Variants in RMND1 observed in about 807,000 individuals in gnomAD.
RMND1 encodes the protein required for meiotic nuclear division protein 1 homolog.
RMND1 carries 41 observed loss-of-function variants against 54.0 expected under a neutral mutation model. The observed-to-expected ratio is 0.76, with a 90% CI of 0.59 to 0.98. RMND1 has a LOEUF of 0.98. RMND1 is among the 50% of genes least tolerant of loss of function. The probability of loss-of-function intolerance (pLI) is 0.00; values close to 1 mark genes in which losing one functional copy is unlikely to be tolerated. For missense variants in RMND1, 457 were observed against 532.0 expected (o/e 0.86, Z 1.39); for synonymous variants, 183 against 181.7 (o/e 1.01, Z -0.06).
Position 151,430,171 on chromosome 6 carries a change from T to C in RMND1, c.696A>G (p.Gly232=), listed in dbSNP as rs747230559. The change falls in exon 5 of 12, where the codon GGA becomes GGG. Residue 232 remains glycine, a synonymous_variant. Transcript: ENST00000444024. ...CTTTCACATTCCAAAACACAGCAGC[T>C]CCTTCCCTGATTTAAAAAAATAAAA... is the stretch of plus-strand genomic sequence containing the variant. ...DPGTIFFFRE[G]AAVFWNVKDK... 4.4e-6 allele frequency: 7 copies of C among 1,598,778 alleles called. No individual in the cohort carries two copies. The highest frequency in any genetic ancestry group is 6.0e-6 in the Non-Finnish European group (7 of 1,167,954).
intron 2 of RMND1, among the ~76,000 whole-genome samples, chr6:151,440,941 G>C (rs1238831657): frequency 8.3e-6 from 1 of 119,964 alleles, no homozygotes. Context: ...TATATGTAAA[G>C]CATATTTTGG....
intron 10 of RMND1, chr6:151,412,011 A>G (rs1475703925): frequency 1.3e-5 from 2 of 152,144 alleles, no homozygotes; most frequent in Non-Finnish European, 2.9e-5. Flanking sequence ...GCTCAGTCTA[A>G]TAACTTGCCT....
chr6:151,430,330 G>A (rs1780416939), intron 4 of RMND1, 153 bp from the exon 5 acceptor site: 1 of 529,678 alleles, frequency 1.9e-6, no homozygotes, highest in East Asian at 2.9e-5. Context: ...GTCCTTAGGT[G>A]AACTTCCTAC....
intron 9 of RMND1, chr6:151,418,513 G>A (rs1780069541): frequency 6.6e-6 from 1 of 152,098 alleles, no homozygotes. Flanking sequence ...TTGGGGTGCA[G>A]TGACACAATC....
rs149556269 is a variant in RMND1 at position 151,405,662 on chromosome 6, GC to G, written c.1317+57del. On this transcript the variant is annotated intron_variant, in intron 11 of 11. Coordinates refer to ENST00000444024, the MANE Select transcript of RMND1 (RefSeq NM_017909.4). The stretch of plus-strand genomic sequence containing the variant: ...TATCTCAAACTATCTTATTAGCATA[GC>G]CCCTGTATTTGTGAAAAGATGGTAA... The G allele has an allele frequency of 0.027, 22,618 of 837,288 alleles. 394 individuals carry two copies. The highest frequency in any genetic ancestry group is 0.033 in the Non-Finnish European group (16,196 of 493,126). The allele number at this position is 837,288 out of a possible 1,614,324, so 51.9% of individuals were successfully genotyped here.
Position 151,405,168 on chromosome 6 carries a change from C to T in RMND1, c.*67G>A, listed in dbSNP as rs1779566607. ...TACAGGCATGAGGCACCGCGCCGGGCCGAACATTTAATTTTTGATTGTAGA... is the reference window on the plus strand; with the variant it reads ...TACAGGCATGAGGCACCGCGCCGGGTCGAACATTTAATTTTTGATTGTAGA... On this transcript the variant is annotated 3_prime_UTR_variant, in exon 12 of 12. Transcript: ENST00000444024. 33 of 1,479,592 alleles carry T rather than the reference C, an allele frequency of 2.2e-5. No individual in the cohort carries two copies. In the South Asian group the frequency reaches 3.6e-4, roughly 16 times the overall value. 91.7% of individuals were successfully genotyped at this position (1,479,592 alleles called of 1,614,324 possible).
Position 151,405,771 on chromosome 6 carries a change from C to T in RMND1, c.1266G>A (p.Glu422=), listed in dbSNP as rs748106961. The change falls in exon 11 of 12, where the codon GAG becomes GAA. Residue 422 remains glutamate, a synonymous_variant. Transcript: ENST00000444024. ...TCCACTCCAAGCGGAGTGCCCTCTT[C>T]TCATTCAGGTGATTCCGCATTAGAT... ...LTDLMRNHLN[E]KRALRLEWMI... is the part of the protein sequence containing the mutation. The T allele has an allele frequency of 2.5e-6, 4 of 1,612,048 alleles. No homozygotes were observed. The South Asian group carries it at 4.4e-5, about 18-fold the overall frequency.
chr6:151,450,283 C>T (rs75593893), intron 1 of RMND1, among the ~76,000 whole-genome samples: 3 of 151,300 alleles, frequency 2.0e-5, no homozygotes, highest in Non-Finnish European at 3.0e-5. Flanking sequence ...ATGTGAGGAG[C>T]GCCTCTGCCC....
chr6:151,412,801 A>G (rs984187220), intron 10 of RMND1, among the ~76,000 whole-genome samples: 3 of 152,306 alleles, frequency 2.0e-5, no homozygotes, highest in Admixed American at 6.5e-5. Flanking sequence ...GGGGAGATGC[A>G]GGTGCTACAC....
intron 2 of RMND1, among the ~76,000 whole-genome samples, chr6:151,444,162 G>A (rs1780878850): frequency 6.6e-6 from 1 of 152,218 alleles, no homozygotes; most frequent in South Asian, 2.1e-4. Context: ...GAAACCTGAT[G>A]CACTGTGCTG....
intron 1 of RMND1, among the ~76,000 whole-genome samples, chr6:151,450,205 G>A (rs1171046719): frequency 6.6e-6 from 1 of 150,496 alleles, no homozygotes; most frequent in Non-Finnish European, 1.5e-5. Context: ...GGAAGTGAGG[G>A]GAGTCTCTGC....
At chr6:151,423,310 G>T (rs1424354108) in intron 7 of RMND1, among the ~76,000 whole-genome samples, 1 of 152,046 alleles carries the variant, frequency 6.6e-6, no homozygotes, top group African/African-American at 2.4e-5. Flanking sequence ...TTTTGGAGAG[G>T]TTAAGCTTTA....
At chr6:151,422,405 T>G in intron 8 of RMND1, 136 bp downstream of exon 8, 1 of 476,248 alleles carries the variant, frequency 2.1e-6, no homozygotes. Flanking sequence ...CACTGGTAGA[T>G]TCTGGTATCC....
intron 1 of RMND1, among the ~76,000 whole-genome samples, chr6:151,448,077 A>G (rs187698071): frequency 3.9e-4 from 59 of 152,078 alleles, no homozygotes; most frequent in Non-Finnish European, 7.4e-5. Flanking sequence ...TGGCCTCCTA[A>G]AGTGTTGGGA....
At chr6:151,438,485 C>T (rs1780678405) in intron 2 of RMND1, among the ~76,000 whole-genome samples, 1 of 152,210 alleles carries the variant, frequency 6.6e-6, no homozygotes, top group Non-Finnish European at 1.5e-5. Context: ...ATGGCAGAGG[C>T]TGTCTCTTTT....
intron 10 of RMND1, among the ~76,000 whole-genome samples, chr6:151,407,677 G>A (rs1779673451): frequency 6.6e-6 from 1 of 152,142 alleles, no homozygotes; most frequent in Non-Finnish European, 1.5e-5. Context: ...GGAGGCTGGG[G>A]CAGGAGGATC....
At chr6:151,448,969 T>G (rs555592563) in intron 1 of RMND1, among the ~76,000 whole-genome samples, 1 of 137,294 alleles carries the variant, frequency 7.3e-6, no homozygotes, top group South Asian at 2.4e-4. Flanking sequence ...CCCAGTTACT[T>G]GGGAGGCTGA....
chr6:151,433,084 T>TG (rs1780490800), intron 4 of RMND1, 71 bp downstream of exon 4: 2 of 848,600 alleles, frequency 2.4e-6, no homozygotes, highest in Non-Finnish European at 3.9e-6. Context: ...AAGGTATGCC[T>TG]GCACCTTTAA....
intron 5 of RMND1, among the ~76,000 whole-genome samples, chr6:151,428,595 A>C (rs1337276336): frequency 6.6e-6 from 1 of 151,958 alleles, no homozygotes; most frequent in Non-Finnish European, 1.5e-5. Flanking sequence ...GCAGTGATGC[A>C]ATCATAGCTC....
Sources: allele counts gnomAD v4.1 joint callset (sites outside exome capture counted in the v4.1 genomes callset), GRCh38; gene constraint gnomAD v4.1.1; transcripts MANE v1.5; gene names NCBI Gene and HGNC (gene_info 2026-07-23, HGNC 2026-07-21).